MMP26: variants seen among roughly 807,000 people sequenced by gnomAD.
MMP26 encodes the protein matrix metalloproteinase-26.
In MMP26, 33 loss-of-function variants were observed where a neutral mutation model predicts 31.0. The ratio of observed to expected loss-of-function variants is 1.06; its 90% CI spans 0.81 to 1.42. The LOEUF is 1.42. MMP26 is among the 40% of genes most tolerant of loss of function. The probability of loss-of-function intolerance (pLI) is 0.00; values close to 1 mark genes in which losing one functional copy is unlikely to be tolerated. For missense variants in MMP26, 347 were observed against 316.1 expected (o/e 1.10, Z -0.74); for synonymous variants, 122 against 114.9 (o/e 1.06, Z -0.40).
At chr11:4,823,694 C>T (rs908643991) in intron 2 of MMP26, among the ~76,000 whole-genome samples, 1 of 152,096 alleles carries the variant, frequency 6.6e-6, no homozygotes, top group Non-Finnish European at 1.5e-5. Context: ...ATTATTTGTG[C>T]TTTTTGACCT....
In MMP26 at chr11:4,843,935, A is replaced by G. The variant is rs1191136323; in HGVS notation, c.-145+76594A>G. ...AAATAATAAAGATCAGAGCAGAAAT[A>G]AATAAAATTGAAACAAAGAAAACAA... On this transcript the variant is annotated intron_variant, in intron 2 of 7. Coordinates refer to ENST00000380390, the MANE Select transcript of MMP26 (RefSeq NM_021801.5). Among the ~76,000 whole-genome samples the G allele has an allele frequency of 5.9e-5, 9 of 152,266 alleles. 1 individual carries two copies. The South Asian group carries it at 1.9e-3, about 32-fold the overall frequency.
intron 2 of MMP26, among the ~76,000 whole-genome samples, chr11:4,813,473 C>T (rs552896609): frequency 4.7e-4 from 72 of 152,094 alleles, no homozygotes; most frequent in Admixed American, 1.2e-3. Context: ...AGCTATCCAC[C>T]GCCTTGGCTT....
At chr11:4,929,039 ACTT>A (rs1851310528) in intron 2 of MMP26, among the ~76,000 whole-genome samples, 1 of 152,184 alleles carries the variant, frequency 6.6e-6, no homozygotes, top group Admixed American at 6.6e-5. Context: ...CACTTTGGTT[ACTT>A]CTGCCGAAGC....
chr11:4,941,254 A>G (rs900395933), intron 2 of MMP26, among the ~76,000 whole-genome samples: 4 of 152,230 alleles, frequency 2.6e-5, no homozygotes, highest in Non-Finnish European at 5.9e-5. Flanking sequence ...ACAAGAATGA[A>G]CAAACCATGG....
At chr11:4,878,586 G>A (rs1404149102) in intron 2 of MMP26, among the ~76,000 whole-genome samples, 1 of 151,990 alleles carries the variant, frequency 6.6e-6, no homozygotes, top group Non-Finnish European at 1.5e-5. Context: ...ATATGAACAG[G>A]GACCCTTTTA....
chr11:4,786,411 T>C (rs1007687556), intron 2 of MMP26, among the ~76,000 whole-genome samples: 4 of 150,512 alleles, frequency 2.7e-5, no homozygotes, highest in African/African-American at 9.7e-5. Flanking sequence ...GAGAGTAGGA[T>C]GGGATCTATC....
At chr11:4,766,609 A>G (rs182206864) in intron 1 of MMP26, among the ~76,000 whole-genome samples, 4 of 151,894 alleles carry the variant, frequency 2.6e-5, no homozygotes, top group Admixed American at 6.5e-5. Flanking sequence ...TCACATCAGT[A>G]AATGGGTATC....
At chr11:4,933,399 C>T (rs1851378946) in intron 2 of MMP26, among the ~76,000 whole-genome samples, 1 of 151,902 alleles carries the variant, frequency 6.6e-6, no homozygotes, top group African/African-American at 2.4e-5. Flanking sequence ...CCTATAAACA[C>T]AGGTTATATA....
intron 2 of MMP26, chr11:4,848,768 A>G: frequency 1.2e-6 from 2 of 1,613,932 alleles, no homozygotes; most frequent in South Asian, 2.2e-5. Context: ...TGCTAATTAC[A>G]CCATTGGTGA....
At chr11:4,977,882 T>C (rs1019953296) in intron 2 of MMP26, among the ~76,000 whole-genome samples, 1 of 151,998 alleles carries the variant, frequency 6.6e-6, no homozygotes, top group Non-Finnish European at 1.5e-5. Flanking sequence ...GCTTTTGTAT[T>C]TGTGCATTGA....
intron 2 of MMP26, among the ~76,000 whole-genome samples, chr11:4,817,795 G>C (rs113333040): frequency 6.6e-6 from 1 of 152,000 alleles, no homozygotes. Flanking sequence ...AAGTCCCAAG[G>C]GTCTCTTGGC....
intron 2 of MMP26, among the ~76,000 whole-genome samples, chr11:4,840,156 G>C (rs1849774661): frequency 6.6e-6 from 1 of 152,182 alleles, no homozygotes; most frequent in Admixed American, 6.5e-5. Flanking sequence ...CTCAGCTGCA[G>C]TATAATAGAA....
chr11:4,911,373 C>T (rs960821608), intron 2 of MMP26, among the ~76,000 whole-genome samples: 3 of 152,140 alleles, frequency 2.0e-5, no homozygotes, highest in African/African-American at 2.4e-5. Flanking sequence ...GCCAGACATC[C>T]CCACTAGACA....
chr11:4,915,732 G>A, intron 2 of MMP26: 2 of 1,004,650 alleles, frequency 2.0e-6, no homozygotes, highest in East Asian at 2.4e-5. Flanking sequence ...CAGTACTGGT[G>A]ATTGCACCTG....
intron 5 of MMP26, 149 bp from the exon 6 acceptor site, chr11:4,991,222 T>G: frequency 2.0e-6 from 2 of 1,008,250 alleles, no homozygotes; most frequent in Non-Finnish European, 2.8e-6. Context: ...CCACCTTATT[T>G]CTCTGCATAG....
At chr11:4,776,089 C>T (rs1366380865) in intron 2 of MMP26, among the ~76,000 whole-genome samples, 1 of 152,014 alleles carries the variant, frequency 6.6e-6, no homozygotes, top group African/African-American at 2.4e-5. Flanking sequence ...AGATCATGGC[C>T]TCCAGTTTCA....
chr11:4,926,888 A>G (rs1330984211), intron 2 of MMP26, among the ~76,000 whole-genome samples: 1 of 152,214 alleles, frequency 6.6e-6, no homozygotes, highest in Non-Finnish European at 1.5e-5. Flanking sequence ...CATGTTGAAT[A>G]AATGTATGAG....
chr11:4,965,463 A>G (rs947529601), intron 2 of MMP26, among the ~76,000 whole-genome samples: 2 of 152,324 alleles, frequency 1.3e-5, no homozygotes, highest in East Asian at 3.9e-4. Context: ...ATTTTTAAGA[A>G]GGTTAAGGAG....
chr11:4,986,936 T>TCTCTCTCTCTCTCTCTCTCCCC (rs1846904468), intron 2 of MMP26, among the ~76,000 whole-genome samples: 1 of 113,134 alleles, frequency 8.8e-6, no homozygotes, highest in Admixed American at 9.4e-5. Context: ...TCTCTCCCTC[T>TCTCTCTCTCTCTCTCTCTCCCC]CTCTCTCTCT....
Sources: allele counts gnomAD v4.1 joint callset (sites outside exome capture counted in the v4.1 genomes callset), GRCh38; gene constraint gnomAD v4.1.1; transcripts MANE v1.5; gene names NCBI Gene and HGNC (gene_info 2026-07-23, HGNC 2026-07-21).